The following PAN3 variants were observed in gnomAD, a reference collection of about 807,000 sequenced individuals.
The protein encoded by PAN3 is PAN2-PAN3 deadenylation complex subunit PAN3.
PAN3 carries 19 observed loss-of-function variants against 96.2 expected under a neutral mutation model. The observed-to-expected ratio is 0.20, with a 90% confidence interval of 0.14 to 0.29. The LOEUF (loss-of-function observed/expected upper bound fraction) is 0.29, where lower values mean the gene tolerates loss of function less well. Ranked by LOEUF, PAN3 falls within the 10% of genes least tolerant of loss-of-function variation. The pLI, the probability that PAN3 is intolerant of heterozygous loss-of-function variation, is 1.00. For missense variants in PAN3, 882 were observed against 1,108.1 expected (o/e 0.80, Z 2.90); for synonymous variants, 433 against 406.6 (o/e 1.06, Z -0.78).
At chr13:28,259,661 G>A (rs906275367) in intron 7 of PAN3, among the ~76,000 whole-genome samples, 3 of 149,912 alleles carry the variant, frequency 2.0e-5, no homozygotes, top group South Asian at 2.1e-4. Flanking sequence ...TTATTGAGAC[G>A]GGGTTTCATT....
intron 7 of PAN3, among the ~76,000 whole-genome samples, chr13:28,257,738 A>T (rs934235219): frequency 3.1e-4 from 34 of 109,646 alleles, no homozygotes; most frequent in African/African-American, 8.0e-4. Flanking sequence ...TTATATATAA[A>T]TTATATATAA....
At chr13:28,281,453 T>C in intron 17 of PAN3, 74 bp downstream of exon 17, 1 of 1,281,528 alleles carries the variant, frequency 7.8e-7, no homozygotes. Context: ...TAAGTATGCC[T>C]GGCTTTATTT....
intron 6 of PAN3, among the ~76,000 whole-genome samples, chr13:28,235,682 T>TATACACACAC (rs763764468): frequency 1.6e-5 from 2 of 123,404 alleles, no homozygotes; most frequent in African/African-American, 7.0e-5. Context: ...TTCTCTAATA[T>TATACACACAC]ACACACACAC....
At chr13:28,210,708 A>G (rs754321139) in intron 5 of PAN3, among the ~76,000 whole-genome samples, 2 of 152,048 alleles carry the variant, frequency 1.3e-5, no homozygotes, top group Non-Finnish European at 2.9e-5. Flanking sequence ...CCATATTTGT[A>G]TGTGCTTGAA....
intron 5 of PAN3, among the ~76,000 whole-genome samples, chr13:28,213,671 T>C (rs1038544637): frequency 6.8e-6 from 1 of 147,494 alleles, no homozygotes; most frequent in African/African-American, 2.5e-5. Flanking sequence ...AGTCTCACAT[T>C]ATGTCAAAAG....
intron 5 of PAN3, 91 bp downstream of exon 5, chr13:28,197,437 A>T: frequency 7.7e-7 from 1 of 1,291,250 alleles, no homozygotes; most frequent in East Asian, 2.6e-5. Flanking sequence ...AAAGGATTGG[A>T]TGACTTAGCT....
At chr13:28,221,007 G>C (rs899460470) in intron 6 of PAN3, among the ~76,000 whole-genome samples, 6 of 152,124 alleles carry the variant, frequency 3.9e-5, no homozygotes, top group African/African-American at 1.4e-4. Flanking sequence ...AAATGTGCTT[G>C]TACTCCAGGA....
chr13:28,156,972 G>GC (rs770204794), intron 1 of PAN3, among the ~76,000 whole-genome samples: 27 of 116,748 alleles, frequency 2.3e-4, no homozygotes, highest in Non-Finnish European at 3.7e-4. Context: ...TCCAACCTGG[G>GC]CAACAGAGTG....
At chr13:28,175,503 C>T (rs1281275588) in intron 2 of PAN3, among the ~76,000 whole-genome samples, 1 of 152,186 alleles carries the variant, frequency 6.6e-6, no homozygotes, top group East Asian at 1.9e-4. Flanking sequence ...GCCGTGGCCT[C>T]CCAAAGGAGG....
intron 1 of PAN3, among the ~76,000 whole-genome samples, chr13:28,158,770 C>T (rs771948460): frequency 1.3e-5 from 2 of 151,554 alleles, no homozygotes; most frequent in African/African-American, 2.4e-5. Flanking sequence ...CCCAGCTACT[C>T]AGGAGGCTGA....
At chr13:28,176,440 C>G in intron 2 of PAN3, 53 bp from the exon 3 acceptor site, 1 of 1,525,790 alleles carries the variant, frequency 6.6e-7, no homozygotes, top group East Asian at 2.3e-5. Flanking sequence ...TGGTTGGATA[C>G]TTTTATTTCT....
chr13:28,247,107 G>A (rs1256427522), intron 6 of PAN3, among the ~76,000 whole-genome samples: 1 of 151,920 alleles, frequency 6.6e-6, no homozygotes, highest in Admixed American at 6.6e-5. Context: ...TTTGATAAAA[G>A]CCACTTTAAC....
intron 6 of PAN3, among the ~76,000 whole-genome samples, chr13:28,225,389 G>A (rs1282021568): frequency 6.6e-6 from 1 of 152,164 alleles, no homozygotes; most frequent in African/African-American, 2.4e-5. Context: ...ACAAAATTCC[G>A]TGATTGATTA....
intron 9 of PAN3, 92 bp downstream of exon 9, chr13:28,261,550 A>G (rs1247554647): frequency 4.3e-6 from 5 of 1,175,522 alleles, no homozygotes; most frequent in African/African-American, 3.2e-5. Flanking sequence ...GAAGAGTTCC[A>G]GGCTGGGCCT....
Position 28,174,289 on chromosome 13 carries a change from G to A in PAN3, c.448G>A (p.Gly150Ser), listed in dbSNP as rs1874667708. The A allele has an allele frequency of 6.2e-7, 1 of 1,612,108 alleles. No homozygotes were observed. The highest frequency in any genetic ancestry group is 1.1e-5 in the South Asian group (1 of 90,922). Reference protein sequence around the residue: ...PRLAIPGMDGGALTDTSLTDS... With the variant: ...PRLAIPGMDGSALTDTSLTDS... ...TCTTTCAGTTCCAGGAATGGATGGA[G>A]GTGCTTTAACTGATACAAGTCTCAC... Residue 150 changes from glycine (G) to serine (S), a missense_variant, in exon 2 of 19, where the codon GGT (glycine) becomes AGT (serine). Transcript: ENST00000380958.
chr13:28,283,714 C>G (rs2138733705), intron 17 of PAN3, among the ~76,000 whole-genome samples: 1 of 152,248 alleles, frequency 6.6e-6, no homozygotes, highest in Middle Eastern at 3.4e-3. Context: ...CATAACAACC[C>G]TATGATGGAG....
chr13:28,154,304 C>G (rs976888252), intron 1 of PAN3, among the ~76,000 whole-genome samples: 1 of 152,212 alleles, frequency 6.6e-6, no homozygotes, highest in South Asian at 2.1e-4. Context: ...ACTGTATACA[C>G]TCCAGTGAAA....
chr13:28,278,223 C>T (rs1231832753), intron 15 of PAN3, among the ~76,000 whole-genome samples: 1 of 152,202 alleles, frequency 6.6e-6, no homozygotes, highest in Non-Finnish European at 1.5e-5. Flanking sequence ...GGTGGGATTG[C>T]CCACCTGTTC....
chr13:28,202,052 A>T (rs1313390911), intron 5 of PAN3, among the ~76,000 whole-genome samples: 24 of 147,326 alleles, frequency 1.6e-4, no homozygotes, highest in African/African-American at 2.5e-4. Context: ...TCTACCTCTT[A>T]TTTTTTTTTT....
Sources: allele counts gnomAD v4.1 joint callset (sites outside exome capture counted in the v4.1 genomes callset), GRCh38; gene constraint gnomAD v4.1.1; transcripts MANE v1.5; gene names NCBI Gene and HGNC (gene_info 2026-07-23, HGNC 2026-07-21).